RRAS2: variants seen among roughly 807,000 people sequenced by gnomAD.
The protein encoded by RRAS2 is RAS related 2, also known as ras-related protein R-Ras2.
RRAS2 carries 7 observed loss-of-function variants against 27.6 expected under a neutral mutation model. The ratio of observed to expected loss-of-function variants is 0.25; its 90% CI spans 0.14 to 0.48. The LOEUF is 0.48. Among genes scored for constraint, RRAS2 ranks in the 20% least tolerant of loss-of-function variants. The pLI is 0.99. For missense variants in RRAS2, 178 were observed against 256.2 expected, an observed-to-expected ratio of 0.69 and a Z score of 2.08; for synonymous variants, 86 against 90.9, an observed-to-expected ratio of 0.95 and a Z score of 0.31.
chr11:14,309,758 TGA>T (rs1253500898), intron 1 of RRAS2, among the ~76,000 whole-genome samples: 4 of 151,934 alleles, frequency 2.6e-5, no homozygotes, highest in Non-Finnish European at 5.9e-5. Flanking sequence ...ACAACAAACA[TGA>T]GAGAGTGGTT....
intron 1 of RRAS2, chr11:14,356,779 A>G (rs1554955475): frequency 2.2e-6 from 1 of 447,578 alleles, no homozygotes; most frequent in African/African-American, 2.0e-5. Context: ...TCTATAAATT[A>G]TTAGGAAAAC....
rs1554946301 is a variant in RRAS2, at chr11:14,294,579, A to G, written c.300T>C (p.Ser100=). The change falls in exon 4 of 6, where the codon AGT becomes AGC. Residue 100 remains serine (S), a splice_region_variant and synonymous_variant. Transcript: ENST00000256196. ...LLVFSVTDRG[S]FEEIYKFQRQ... ...TTTGAAACTTATAGATTTCTTCAAA[A>G]CTTAAAAAAAAAAAATCAAAAACAA... 5 of 1,574,592 alleles carry G rather than the reference A, an allele frequency of 3.2e-6. No homozygotes were observed.
chr11:14,322,172 T>C (rs1848239684), intron 1 of RRAS2, among the ~76,000 whole-genome samples: 1 of 152,016 alleles, frequency 6.6e-6, no homozygotes, highest in African/African-American at 2.4e-5. Context: ...GGCTCACACC[T>C]GTAATCCTAG....
In RRAS2 at chr11:14,358,563, C is replaced by T; in HGVS notation, c.108+200G>A. ...CTGAGAAGCCCTACTCCCGCGACGCCGCGCCCGGGAGGAGGCAGGAGCGCG... is the reference window on the plus strand; with the variant it reads ...CTGAGAAGCCCTACTCCCGCGACGCTGCGCCCGGGAGGAGGCAGGAGCGCG... On this transcript the variant is annotated intron_variant, in intron 1 of 5. Coordinates refer to ENST00000256196, the MANE Select transcript of RRAS2 (RefSeq NM_012250.6). The surrounding 1 kb of genome is among the most constrained non-coding windows in gnomAD (Gnocchi z 5.1). 1 of 986,658 alleles carries T rather than the reference C, an allele frequency of 1.0e-6. No individual in the cohort carries two copies. Among genetic ancestry groups the T allele is most frequent in the Non-Finnish European group, 1.2e-6 (1 of 830,986 alleles). The allele number at this position is 986,658 out of a possible 1,614,324, so 61.1% of individuals were successfully genotyped here. A position where few individuals can be genotyped will look rare whatever the true frequency, so the allele number is the denominator to read the frequency against.
At chr11:14,291,784 G>A (rs903146913) in intron 4 of RRAS2, among the ~76,000 whole-genome samples, 7 of 152,054 alleles carry the variant, frequency 4.6e-5, no homozygotes, top group Non-Finnish European at 8.8e-5. Context: ...GATGGAAACT[G>A]CATACCACAT....
At chr11:14,290,025 C>A (rs1222773440) in intron 4 of RRAS2, among the ~76,000 whole-genome samples, 1 of 151,960 alleles carries the variant, frequency 6.6e-6, no homozygotes, top group Non-Finnish European at 1.5e-5. Flanking sequence ...TGACAAAAAA[C>A]TAAACATCTC....
At chr11:14,361,704 A>G (rs1482096956), upstream of RRAS2, among the ~76,000 whole-genome samples, 1 of 152,156 alleles carries the variant, frequency 6.6e-6, no homozygotes, top group Non-Finnish European at 1.5e-5. Context: ...CAAAAGATTA[A>G]ATGTAGAGTT....
intron 1 of RRAS2, among the ~76,000 whole-genome samples, chr11:14,346,766 A>G (rs1554954109): frequency 6.6e-6 from 1 of 152,230 alleles, no homozygotes; most frequent in African/African-American, 2.4e-5. Flanking sequence ...GTGACATAGT[A>G]CGTATGTTAG....
At chr11:14,299,401 G>A (rs1200772263) in intron 1 of RRAS2, among the ~76,000 whole-genome samples, 6 of 152,124 alleles carry the variant, frequency 3.9e-5, no homozygotes, top group Admixed American at 3.3e-4. Context: ...AACCCATCAG[G>A]CTGTACACTT....
chr11:14,363,258 C>T (rs1242875106), upstream of RRAS2, among the ~76,000 whole-genome samples: 1 of 152,158 alleles, frequency 6.6e-6, no homozygotes, highest in Non-Finnish European at 1.5e-5. Flanking sequence ...CTTTAGTGGG[C>T]TTTAAGAGCT....
chr11:14,360,195 TAAAA>T (rs71041599), upstream of RRAS2, among the ~76,000 whole-genome samples: 7 of 139,548 alleles, frequency 5.0e-5, no homozygotes, highest in Admixed American at 7.2e-5. Context: ...ACATGCCATT[TAAAA>T]AAAAAAAAAA....
intron 1 of RRAS2, among the ~76,000 whole-genome samples, chr11:14,342,663 T>A (rs891787184): frequency 6.6e-6 from 1 of 152,196 alleles, no homozygotes; most frequent in Non-Finnish European, 1.5e-5. Context: ...TACCTTTTCA[T>A]TTCATAATTC....
At chr11:14,333,758 C>T (rs1554952202) in intron 1 of RRAS2, among the ~76,000 whole-genome samples, 3 of 151,224 alleles carry the variant, frequency 2.0e-5, no homozygotes, top group African/African-American at 7.3e-5. Context: ...ATCCTTTAAC[C>T]TCTGTTTCCC....
At chr11:14,294,022 A>AT (rs1554946189) in intron 4 of RRAS2, among the ~76,000 whole-genome samples, 1 of 152,252 alleles carries the variant, frequency 6.6e-6, no homozygotes, top group Non-Finnish European at 1.5e-5. Context: ...TTCAGTCATT[A>AT]AAGTGACTTA....
At chr11:14,320,249 C>A (rs949840077) in intron 1 of RRAS2, among the ~76,000 whole-genome samples, 2 of 152,178 alleles carry the variant, frequency 1.3e-5, no homozygotes, top group Non-Finnish European at 2.9e-5. Flanking sequence ...AACATACAAG[C>A]AACTAAACCT....
chr11:14,358,757 A>G lies in RRAS2; in HGVS notation c.108+6T>C, dbSNP rs1849137979. 2 of 1,408,286 alleles carry G rather than the reference A, an allele frequency of 1.4e-6. No individual in the cohort carries two copies. The highest frequency in any genetic ancestry group is 1.4e-5 in the South Asian group (1 of 70,436). The allele number at this position is 1,408,286 out of a possible 1,614,324, so 87.2% of individuals were successfully genotyped here. A position where few individuals can be genotyped will look rare whatever the true frequency, so the allele number is the denominator to read the frequency against. On this transcript the variant is annotated splice_donor_region_variant and intron_variant, in intron 1 of 5. Coordinates refer to ENST00000256196, the MANE Select transcript of RRAS2 (RefSeq NM_012250.6). This position sits in a 1 kb window ranked among gnomAD's most constrained non-coding sequence, Gnocchi z 5.1. ...CCGGCGCCCCGGGCAGGCCCGCTCCAGGTACCTGGATGAACTGGATGGTGA... is the reference window on the plus strand; with the variant it reads ...CCGGCGCCCCGGGCAGGCCCGCTCCGGGTACCTGGATGAACTGGATGGTGA...
At chr11:14,304,939 G>A (rs1218092626) in intron 1 of RRAS2, among the ~76,000 whole-genome samples, 2 of 152,122 alleles carry the variant, frequency 1.3e-5, no homozygotes, top group African/African-American at 4.8e-5. Flanking sequence ...CTGAAGTATA[G>A]CTTTTGACTG....
intron 1 of RRAS2, among the ~76,000 whole-genome samples, chr11:14,336,264 G>A (rs782302667): frequency 6.6e-6 from 1 of 152,000 alleles, no homozygotes; most frequent in Non-Finnish European, 1.5e-5. Context: ...CTGCCAGAGT[G>A]GTATCCAAAA....
chr11:14,347,640 C>T (rs933720827), intron 1 of RRAS2, among the ~76,000 whole-genome samples: 3 of 151,936 alleles, frequency 2.0e-5, no homozygotes, highest in African/African-American at 4.8e-5. Context: ...GGCAACATAG[C>T]GAGACCTCGT....
Sources: gnomAD v4.1 joint callset for allele counts (sites outside exome capture counted in the v4.1 genomes callset) on GRCh38, gnomAD v4.1.1 for gene constraint, Gnocchi (gnomAD v3.1) non-coding constraint, MANE v1.5 for transcripts, NCBI Gene and HGNC (gene_info 2026-07-23, HGNC 2026-07-21) for gene names.